The following FSD1L variants were observed in gnomAD, a reference collection of about 807,000 sequenced individuals.
FSD1L encodes the protein fibronectin type III and SPRY domain containing 1 like.
Under a neutral mutation model 71.6 loss-of-function variants are expected in FSD1L, and 45 were observed. The observed-to-expected ratio is 0.63, with a 90% CI of 0.49 to 0.81. The LOEUF (loss-of-function observed/expected upper bound fraction) is 0.81. Ranked by LOEUF, FSD1L falls within the 30% of genes least tolerant of loss-of-function variation. FSD1L has a pLI of 0.00. For synonymous variants in FSD1L, 197 were observed against 207.2 expected (o/e 0.95, Z 0.42); for missense variants, 561 against 618.1 (o/e 0.91, Z 0.98).
chr9:105,489,407 A>C (rs976277311), intron 7 of FSD1L, among the ~76,000 whole-genome samples: 1 of 152,170 alleles, frequency 6.6e-6, no homozygotes, highest in African/African-American at 2.4e-5. Flanking sequence ...TATTTAAAGA[A>C]ATGTTTGGAA....
rs1837095840 is a variant in FSD1L at position 105,547,900 on chromosome 9, C to T, written c.*1417C>T. 6.6e-6 allele frequency: 1 copy of T among 152,116 alleles called. No individual in the cohort carries two copies. Among genetic ancestry groups the T allele is most frequent in the Middle Eastern group, 3.4e-3 (1 of 294 alleles). 9.4% of individuals were successfully genotyped at this position (152,116 alleles called of 1,614,324 possible). ...AAATATATTGTGCTATGATAACCAA[C>T]CTTCTTCCAAGGAGTGACCATTACT... On this transcript the variant is annotated 3_prime_UTR_variant, in exon 14 of 14. Transcript: ENST00000481272.
At position 105,535,074 on chromosome 9, in the gene FSD1L, T is replaced by G. The variant is rs1836184052; in HGVS notation, c.1134T>G (p.Thr378=). 6.4e-7 allele frequency: 1 copy of G among 1,551,548 alleles called. No homozygotes were observed. Among genetic ancestry groups the G allele is most frequent in the Non-Finnish European group, 8.7e-7 (1 of 1,146,904 alleles). ...CTTTCTGATCTTTTGTAGGAGACAC[T>G]GCTATTGAAAGTGGACAACATTATT... ...TGESYTVLGD[T]AIESGQHYWE... The change falls in exon 12 of 14, where the codon ACT becomes ACG. Residue 378 remains threonine (T), a synonymous_variant. Transcript: ENST00000481272.
chr9:105,493,470 T>C (rs975761184), intron 7 of FSD1L, among the ~76,000 whole-genome samples: 2 of 151,558 alleles, frequency 1.3e-5, no homozygotes, highest in African/African-American at 4.8e-5. Flanking sequence ...CCAGTCTGTG[T>C]CTTTTAATTG....
upstream of FSD1L, among the ~76,000 whole-genome samples, chr9:105,443,107 A>T (rs146099849): frequency 0.013 from 1,926 of 152,340 alleles, 14 homozygotes; most frequent in Non-Finnish European, 0.018. Context: ...CACTTGGCTT[A>T]GAGCTCTTCA....
chr9:105,482,211 C>T (rs1382020401), intron 6 of FSD1L, among the ~76,000 whole-genome samples: 1 of 152,082 alleles, frequency 6.6e-6, no homozygotes, highest in Non-Finnish European at 1.5e-5. Context: ...AGAAGTTACA[C>T]AGAGGAACAG....
intron 13 of FSD1L, among the ~76,000 whole-genome samples, chr9:105,544,483 A>G (rs901516084): frequency 1.3e-5 from 2 of 152,130 alleles, no homozygotes; most frequent in African/African-American, 4.8e-5. Flanking sequence ...TTGGTGTTTC[A>G]GACATGAAGT....
Position 105,496,457 on chromosome 9 carries a change from G to T in FSD1L, c.587-9942G>T, listed in dbSNP as rs561091358. Among the ~76,000 whole-genome samples, 7 of 152,224 alleles carry T rather than the reference G, an allele frequency of 4.6e-5. No homozygotes were observed. The South Asian group carries it at 1.5e-3, about 32-fold the overall frequency. ...GCTTACTGGGATTATGATTGGGATT[G>T]CAATCAATCTGTAGGTCAAATTGGG... On this transcript the variant is annotated intron_variant, in intron 7 of 13. Transcript: ENST00000481272.
rs117205874 is a variant in FSD1L, at chr9:105,470,498, C to T, written c.340-1406C>T. Among the ~76,000 whole-genome samples the T allele has an allele frequency of 7.9e-3, 1,205 of 151,984 alleles. 10 individuals are homozygous for T. Among genetic ancestry groups the T allele is most frequent in the Middle Eastern group, 0.021 (6 of 292 alleles). Reference sequence around the variant, plus strand: ...TAAATTTATTTCAAAGTATGCTGTTCTTTTTGATACTATTATAAGTGGATT... The same window carrying T: ...TAAATTTATTTCAAAGTATGCTGTTTTTTTTGATACTATTATAAGTGGATT... On this transcript the variant is annotated intron_variant, in intron 4 of 13. Transcript: ENST00000481272.
At chr9:105,520,272 C>T (rs1835057824) in intron 10 of FSD1L, 1 of 1,581,538 alleles carries the variant, frequency 6.3e-7, no homozygotes, top group African/African-American at 1.3e-5. Context: ...TGCATTCATC[C>T]AGATGCCTGA....
chr9:105,476,729 A>G (rs1034045479), intron 5 of FSD1L, among the ~76,000 whole-genome samples: 13 of 152,194 alleles, frequency 8.5e-5, no homozygotes, highest in Non-Finnish European at 1.9e-4. Flanking sequence ...GCTGTATAGT[A>G]TTGTGTATCT....
chr9:105,444,846 C>G (rs559720579), upstream of FSD1L, among the ~76,000 whole-genome samples: 6 of 152,250 alleles, frequency 3.9e-5, no homozygotes, highest in African/African-American at 1.2e-4. Context: ...TAGAGTTCAT[C>G]AGAATCACCT....
chr9:105,469,401 A>G (rs935459122), intron 4 of FSD1L, among the ~76,000 whole-genome samples: 17 of 150,768 alleles, frequency 1.1e-4, no homozygotes, highest in South Asian at 4.2e-4. Context: ...AAGTGTTCCA[A>G]TTTCTTCATG....
chr9:105,543,383 T>C (rs1173306697), intron 13 of FSD1L, among the ~76,000 whole-genome samples: 1 of 152,256 alleles, frequency 6.6e-6, no homozygotes, highest in Non-Finnish European at 1.5e-5. Flanking sequence ...TCTCACTTTA[T>C]TGAATTATAG....
chr9:105,517,387 G>A (rs1834797283), intron 10 of FSD1L, among the ~76,000 whole-genome samples: 1 of 151,662 alleles, frequency 6.6e-6, no homozygotes, highest in Non-Finnish European at 1.5e-5. Context: ...ATCCACCTAG[G>A]TTGAAATGAA....
chr9:105,526,716 T>A (rs1835536596), intron 10 of FSD1L, among the ~76,000 whole-genome samples: 1 of 152,230 alleles, frequency 6.6e-6, no homozygotes. Context: ...AGTTATTTAT[T>A]GTTTCATTTT....
chr9:105,515,328 T>C (rs1834645664), intron 10 of FSD1L, among the ~76,000 whole-genome samples: 2 of 152,176 alleles, frequency 1.3e-5, no homozygotes, highest in South Asian at 4.1e-4. Context: ...CTGACCGTAG[T>C]TTGCCAAATT....
Position 105,512,878 on chromosome 9 carries a change from G to C in FSD1L, c.967G>C (p.Asp323His), listed in dbSNP as rs1344879664. 9 of 1,542,406 alleles carry C rather than the reference G, an allele frequency of 5.8e-6. No homozygotes were observed. Among genetic ancestry groups the C allele is most frequent in the Non-Finnish European group, 7.9e-6 (9 of 1,142,488 alleles). ...AGTTGAAGATACATGTGTAGAGTGGGATCCTACTGGAGGAAAAGGTCAAGA... is the reference window on the plus strand; with the variant it reads ...AGTTGAAGATACATGTGTAGAGTGGCATCCTACTGGAGGAAAAGGTCAAGA... ...LKVEDTCVEW[D>H]PTGGKGQESK... The change falls in exon 10 of 14, where the codon GAT becomes CAT. Residue 323 changes from aspartate (D) to histidine (H), a missense_variant. Physicochemically the swap from Asp to His is moderately conservative, Grantham distance 81. This residue lies in a region of FSD1L where 410 missense variants were observed against 413.5 expected (regional missense o/e 0.99). Transcript: ENST00000481272.
chr9:105,537,979 A>G (rs961438357), intron 12 of FSD1L, among the ~76,000 whole-genome samples: 1 of 152,210 alleles, frequency 6.6e-6, no homozygotes, highest in African/African-American at 2.4e-5. Flanking sequence ...AGACAGTTGA[A>G]GATGACTTTG....
At chr9:105,506,248 G>C (rs1834043321) in intron 7 of FSD1L, 151 bp from the exon 8 acceptor site, 1 of 590,212 alleles carries the variant, frequency 1.7e-6, no homozygotes, top group Non-Finnish European at 2.9e-6. Context: ...TACATTTATG[G>C]GCTTTCCTTT....
Sources: allele counts gnomAD v4.1 joint callset (sites outside exome capture counted in the v4.1 genomes callset), GRCh38; gene constraint gnomAD v4.1.1; regional missense constraint gnomAD v4.1.1; transcripts MANE v1.5; gene names NCBI Gene and HGNC (gene_info 2026-07-23, HGNC 2026-07-21).